The following KNG1 variants were observed in gnomAD, a reference collection of about 807,000 sequenced individuals.
KNG1 encodes kininogen 1, also known as kininogen-1.
In KNG1, 23 loss-of-function variants were observed where a neutral mutation model predicts 47.8. That is an observed-to-expected ratio of 0.48 (90% confidence interval 0.35 to 0.68). The LOEUF (loss-of-function observed/expected upper bound fraction) is 0.68. KNG1 is among the 30% of genes least tolerant of loss of function. The pLI, the probability that KNG1 is intolerant of heterozygous loss-of-function variation, is 0.01. For missense variants in KNG1, 762 were observed against 790.2 expected (o/e 0.96, Z 0.43); for synonymous variants, 277 against 277.0 (o/e 1.00, Z 0.00).
At chr3:186,725,942 A>AT (rs544977446) in intron 4 of KNG1, among the ~76,000 whole-genome samples, 3,238 of 142,194 alleles carry the variant, frequency 0.023, 104 homozygotes, top group African/African-American at 0.075. Flanking sequence ...TATATCCGTA[A>AT]TTTTTTTTTT....
intron 2 of KNG1, chr3:186,721,627 T>C (rs931528080): frequency 2.1e-4 from 32 of 152,234 alleles, no homozygotes; most frequent in African/African-American, 7.7e-4. Context: ...CAAGGGGACA[T>C]GACAGAGTTA....
At chr3:186,727,400 G>A (rs936662370) in intron 5 of KNG1, 56 bp downstream of exon 5, 34 of 1,114,756 alleles carry the variant, frequency 3.0e-5, no homozygotes, top group Non-Finnish European at 4.3e-5. Context: ...ACATTTTGTG[G>A]TAACTATCAA....
rs749071050 is a variant in KNG1, at chr3:186,717,625, G to A, written c.83G>A (p.Cys28Tyr). ...GAATCACAGTCCGAGGAAATTGACTGCAATGACAAGGATTTATTTAAAGCT... is the reference window on the plus strand; with the variant it reads ...GAATCACAGTCCGAGGAAATTGACTACAATGACAAGGATTTATTTAAAGCT... ...TQESQSEEID[C>Y]NDKDLFKAVD... is the part of the protein sequence containing the mutation. The change falls in exon 1 of 10, where the codon TGC (cysteine) becomes TAC (tyrosine). Residue 28 changes from cysteine (C) to tyrosine (Y), a missense_variant. Physicochemically the swap from Cys to Tyr is radical, Grantham distance 194. Coordinates refer to ENST00000644859, the MANE Select transcript of KNG1 (RefSeq NM_001102416.3). The A allele has an allele frequency of 1.2e-6, 2 of 1,612,686 alleles. No individual in the cohort carries two copies. The highest frequency in any genetic ancestry group is 2.2e-5 in the South Asian group (2 of 91,074).
At position 186,717,630 on chromosome 3, in the gene KNG1, G is replaced by T; in HGVS notation, c.88G>T (p.Asp30Tyr). The T allele has an allele frequency of 6.2e-7, 1 of 1,613,084 alleles. No homozygotes were observed. The highest frequency in any genetic ancestry group is 8.5e-7 in the Non-Finnish European group (1 of 1,179,518). ...ACAGTCCGAGGAAATTGACTGCAAT[G>T]ACAAGGATTTATTTAAAGCTGTGGA... Reference protein sequence around the residue: ...ESQSEEIDCNDKDLFKAVDAA... With the variant: ...ESQSEEIDCNYKDLFKAVDAA... The change falls in exon 1 of 10, where the codon GAC becomes TAC. Residue 30 changes from aspartate to tyrosine, a missense_variant. Transcript: ENST00000644859.
intron 5 of KNG1, among the ~76,000 whole-genome samples, chr3:186,730,609 T>G (rs534707695): frequency 5.7e-5 from 8 of 141,420 alleles, no homozygotes; most frequent in Admixed American, 5.4e-4. Flanking sequence ...TGAGCTGAGA[T>G]TGCGCCACTG....
At chr3:186,719,570 A>G (rs1324002049) in intron 1 of KNG1, among the ~76,000 whole-genome samples, 1 of 152,122 alleles carries the variant, frequency 6.6e-6, no homozygotes, top group Admixed American at 6.5e-5. Context: ...CTACTAAAAA[A>G]TACAAAAAAG....
chr3:186,724,584 C>T (rs1720295734), intron 3 of KNG1, among the ~76,000 whole-genome samples: 3 of 152,114 alleles, frequency 2.0e-5, no homozygotes, highest in Admixed American at 2.0e-4. Flanking sequence ...ATCATTTGCC[C>T]ACTTTTTAAT....
At position 186,742,041 on chromosome 3, in the gene KNG1, C is replaced by T. The variant is rs1218560472; in HGVS notation, c.1645C>T (p.Pro549Ser). 3 of 1,614,022 alleles carry T rather than the reference C, an allele frequency of 1.9e-6. No individual in the cohort carries two copies. The highest frequency in any genetic ancestry group is 1.1e-5 in the South Asian group (1 of 91,078). ...GAAGACAGAAGGGCCAACACCCATCCCTTCCCTAGCCAAGCCAGGTGTAAC... is the reference window on the plus strand; with the variant it reads ...GAAGACAGAAGGGCCAACACCCATCTCTTCCCTAGCCAAGCCAGGTGTAAC... ...QEKTEGPTPI[P>S]SLAKPGVTVT... Residue 549 changes from proline (P) to serine (S), a missense_variant, in exon 10 of 10, where the codon CCT becomes TCT. Pro to Ser is a moderately conservative substitution (Grantham distance 74). Coordinates refer to ENST00000644859, the MANE Select transcript of KNG1 (RefSeq NM_001102416.3).
Position 186,731,765 on chromosome 3 carries a change from C to A in KNG1, c.757+136C>A, listed in dbSNP as rs190242270. 1.6e-4 allele frequency: 113 copies of A among 697,718 alleles called. 2 individuals carry two copies. Among genetic ancestry groups the A allele is most frequent in the South Asian group, 1.3e-3 (87 of 66,266 alleles). The allele number at this position is 697,718 out of a possible 1,614,324, so 43.2% of individuals were successfully genotyped here. ...TGTGTAACCTGCAGACACAGATGCA[C>A]CCCTTGATGAGAACACTGTACCCCT... On this transcript the variant is annotated intron_variant, in intron 6 of 9. Coordinates refer to ENST00000644859, the MANE Select transcript of KNG1 (RefSeq NM_001102416.3).
intron 7 of KNG1, chr3:186,738,844 C>G: frequency 2.7e-6 from 1 of 375,850 alleles, no homozygotes; most frequent in African/African-American, 2.1e-5. Flanking sequence ...GAAACTCCAT[C>G]TCAAAAAAAA....
At chr3:186,727,188 G>A (rs756158668) in intron 4 of KNG1, 49 bp from the exon 5 acceptor site, 37 of 1,239,398 alleles carry the variant, frequency 3.0e-5, no homozygotes, top group Non-Finnish European at 4.2e-5. Context: ...ATCCCACAGC[G>A]AATAATGTTT....
At chr3:186,729,080 C>T (rs1442246221) in intron 5 of KNG1, 1 of 152,080 alleles carries the variant, frequency 6.6e-6, no homozygotes, top group Admixed American at 6.6e-5. Flanking sequence ...AAAAATACAA[C>T]CCACAGAATG....
rs1301727242 is a variant in KNG1, at chr3:186,720,149, G to C, written c.240G>C (p.Glu80Asp). The change falls in exon 2 of 10, where the codon GAG becomes GAC. Residue 80 changes from glutamate to aspartate, a missense_variant. Transcript: ENST00000644859. Reference protein sequence around the residue: ...TFYSFKYEIKEGDCPVQSGKT... With the variant: ...TFYSFKYEIKDGDCPVQSGKT... ...ATTCCTTCAAGTACGAAATCAAGGA[G>C]GGGGATTGTCCTGTTCAAAGTGGCA... is the stretch of plus-strand genomic sequence containing the variant. 1 of 1,613,854 alleles carries C rather than the reference G, an allele frequency of 6.2e-7. No individual in the cohort carries two copies. The highest frequency in any genetic ancestry group is 2.2e-5 in the East Asian group (1 of 44,892).
chr3:186,738,925 CA>C, intron 7 of KNG1, 173 bp from the exon 8 acceptor site: 1 of 617,720 alleles, frequency 1.6e-6, no homozygotes, highest in South Asian at 2.0e-5. Context: ...AACCGATAGC[CA>C]AATATTTTAA....
In KNG1 at chr3:186,741,974, C is replaced by T. The variant is rs143591160; in HGVS notation, c.1578C>T (p.Ser526=). ...HNGWKTEHLA[S]SSEDSTTPSA... is the part of the protein sequence containing the mutation. ...GTTGGAAAACAGAGCATTTGGCAAGCTCTTCTGAAGACAGTACTACACCTT... is the reference window on the plus strand; with the variant it reads ...GTTGGAAAACAGAGCATTTGGCAAGTTCTTCTGAAGACAGTACTACACCTT... The change falls in exon 10 of 10, where the codon AGC becomes AGT. Residue 526 remains serine (S), a synonymous_variant. Coordinates refer to ENST00000644859, the MANE Select transcript of KNG1 (RefSeq NM_001102416.3). 2.5e-6 allele frequency: 4 copies of T among 1,614,232 alleles called. No homozygotes were observed. In the African/African-American group the frequency reaches 5.3e-5, roughly 22 times the overall value.
At chr3:186,727,138 A>T in intron 4 of KNG1, 99 bp from the exon 5 acceptor site, 1 of 846,628 alleles carries the variant, frequency 1.2e-6, no homozygotes, top group Non-Finnish European at 2.0e-6. Context: ...GGCACTTATT[A>T]TATTGCCACA....
At chr3:186,739,249 T>G (rs773469622) in intron 8 of KNG1, 43 bp downstream of exon 8, 17 of 1,585,194 alleles carry the variant, frequency 1.1e-5, no homozygotes, top group Admixed American at 1.7e-5. Context: ...TGGAAGCCTA[T>G]TTGATGTTTT....
intron 7 of KNG1, 28 bp from the exon 8 acceptor site, chr3:186,739,071 G>A (rs773536200): frequency 8.4e-5 from 127 of 1,512,724 alleles, no homozygotes; most frequent in Middle Eastern, 3.4e-4. Flanking sequence ...ATTTTTAAGC[G>A]TTTACTTTGT....
intron 6 of KNG1, 90 bp from the exon 7 acceptor site, chr3:186,732,412 T>A: frequency 8.0e-7 from 1 of 1,250,356 alleles, no homozygotes; most frequent in East Asian, 2.3e-5. Flanking sequence ...TAGCCCCTTA[T>A]ACATGTGGAT....
Sources: gnomAD v4.1 joint callset for allele counts (sites outside exome capture counted in the v4.1 genomes callset) on GRCh38, gnomAD v4.1.1 for gene constraint, MANE v1.5 for transcripts, NCBI Gene and HGNC (gene_info 2026-07-23, HGNC 2026-07-21) for gene names.